Variants in MAF observed in about 807,000 individuals in gnomAD.
MAF encodes the protein MAF bZIP transcription factor.
Under a neutral mutation model 22.0 loss-of-function variants are expected in MAF, and 10 were observed. The observed-to-expected ratio is 0.45, with a 90% CI of 0.28 to 0.77. The LOEUF is 0.77. Among genes scored for constraint, MAF ranks in the 30% least tolerant of loss-of-function variants. The pLI, the probability that MAF is intolerant of heterozygous loss-of-function variation, is 0.12. For synonymous variants in MAF, 337 were observed against 255.8 expected (o/e 1.32, Z -3.03); for missense variants, 544 against 548.4 (o/e 0.99, Z 0.08).
At chr16:79,212,143 C>T in the MAF span, 60 of 1,517,962 alleles carry the variant, frequency 4.0e-5, no homozygotes, top group Admixed American at 2.5e-4. Context: ...GAGGTCCCCT[C>T]GTCCCATCCA....
the MAF span, among the ~76,000 whole-genome samples, chr16:79,445,565 T>C: frequency 6.6e-6 from 1 of 152,204 alleles, no homozygotes; most frequent in Non-Finnish European, 1.5e-5. Context: ...CAAGCTCAGG[T>C]GCCCCTTGTC....
the MAF span, among the ~76,000 whole-genome samples, chr16:79,213,837 T>C: frequency 6.6e-6 from 1 of 152,238 alleles, no homozygotes; most frequent in African/African-American, 2.4e-5. Flanking sequence ...CAGGATTACA[T>C]GTTACTCAGC....
chr16:79,385,857 A>G, the MAF span, among the ~76,000 whole-genome samples: 4 of 152,212 alleles, frequency 2.6e-5, no homozygotes, highest in Non-Finnish European at 4.4e-5. Context: ...CAGTGAGCCA[A>G]GATAGTGCCA....
chr16:79,318,534 G>A, the MAF span, among the ~76,000 whole-genome samples: 50 of 152,270 alleles, frequency 3.3e-4, no homozygotes, highest in African/African-American at 1.1e-3. Context: ...CAGAAAAAGC[G>A]TTCCCGAAAC....
chr16:79,490,489 A>G, the MAF span, among the ~76,000 whole-genome samples: 8 of 152,142 alleles, frequency 5.3e-5, no homozygotes, highest in Non-Finnish European at 5.9e-5. Flanking sequence ...ATTATGATAC[A>G]CTCATACAAT....
At chr16:79,308,131 G>C in the MAF span, among the ~76,000 whole-genome samples, 1 of 152,194 alleles carries the variant, frequency 6.6e-6, no homozygotes, top group Non-Finnish European at 1.5e-5. Flanking sequence ...AAGACCCACA[G>C]CCCTGCTGAC....
the MAF span, among the ~76,000 whole-genome samples, chr16:79,330,646 A>G: frequency 6.6e-6 from 1 of 152,232 alleles, no homozygotes; most frequent in Non-Finnish European, 1.5e-5. Context: ...GTTAGTGATC[A>G]AAGGGAGAGG....
At chr16:79,334,388 C>T in the MAF span, among the ~76,000 whole-genome samples, 16 of 152,240 alleles carry the variant, frequency 1.1e-4, no homozygotes, top group East Asian at 2.5e-3. Flanking sequence ...TGTGCAAGGC[C>T]AGGGAGGGTG....
the MAF span, among the ~76,000 whole-genome samples, chr16:79,467,862 G>T: frequency 6.6e-6 from 1 of 151,364 alleles, no homozygotes; most frequent in Non-Finnish European, 1.5e-5. Context: ...GAGAGGGGGA[G>T]AAAGGATGCA....
the MAF span, among the ~76,000 whole-genome samples, chr16:79,436,825 C>A: frequency 6.6e-6 from 1 of 152,212 alleles, no homozygotes; most frequent in Non-Finnish European, 1.5e-5. Context: ...CTCCACCATG[C>A]CATGCAGGAC....
the MAF span, among the ~76,000 whole-genome samples, chr16:79,405,628 T>C: frequency 6.6e-6 from 1 of 152,146 alleles, no homozygotes; most frequent in Non-Finnish European, 1.5e-5. Context: ...TTTTTCCAAA[T>C]AGCAAAACAT....
chr16:79,339,263 G>C, the MAF span, among the ~76,000 whole-genome samples: 1 of 152,030 alleles, frequency 6.6e-6, no homozygotes, highest in Non-Finnish European at 1.5e-5. Context: ...GGTAGACATG[G>C]GGTTTCACCG....
chr16:79,423,814 C>T, the MAF span, among the ~76,000 whole-genome samples: 1 of 152,174 alleles, frequency 6.6e-6, no homozygotes. Flanking sequence ...ACCCACCTAA[C>T]CTAGCCTCCA....
At chr16:79,561,413 C>A in the MAF span, among the ~76,000 whole-genome samples, 1 of 151,374 alleles carries the variant, frequency 6.6e-6, no homozygotes, top group Non-Finnish European at 1.5e-5. Flanking sequence ...TGTGCTGCAC[C>A]CATTAACTCG....
At chr16:79,358,281 G>C in the MAF span, among the ~76,000 whole-genome samples, 1 of 152,140 alleles carries the variant, frequency 6.6e-6, no homozygotes, top group Non-Finnish European at 1.5e-5. Context: ...AGAGTTCCTC[G>C]ACCCCAGCAG....
At chr16:79,304,880 T>A in the MAF span, among the ~76,000 whole-genome samples, 25 of 152,290 alleles carry the variant, frequency 1.6e-4, no homozygotes, top group African/African-American at 5.8e-4. Flanking sequence ...AAAAGTCACA[T>A]GAGTGGTGTT....
the MAF span, among the ~76,000 whole-genome samples, chr16:79,320,846 T>C: frequency 1.3e-5 from 2 of 152,258 alleles, no homozygotes; most frequent in African/African-American, 4.8e-5. Flanking sequence ...GATTATCTCA[T>C]TGAATCCTCA....
the MAF span, among the ~76,000 whole-genome samples, chr16:79,546,397 T>C: frequency 6.6e-6 from 1 of 152,204 alleles, no homozygotes; most frequent in African/African-American, 2.4e-5. Context: ...CCACTTTTTA[T>C]GAATGAGTGA....
the MAF span, among the ~76,000 whole-genome samples, chr16:79,259,220 C>A: frequency 6.6e-6 from 1 of 152,166 alleles, no homozygotes; most frequent in Non-Finnish European, 1.5e-5. Context: ...TCTGCTCAGT[C>A]CCCTTGGCCT....
Sources: gnomAD v4.1 joint callset for allele counts (sites outside exome capture counted in the v4.1 genomes callset) on GRCh38, gnomAD v4.1.1 for gene constraint, MANE v1.5 for transcripts, NCBI Gene and HGNC (gene_info 2026-07-23, HGNC 2026-07-21) for gene names.